Variants in ADAMTSL1 observed in about 807,000 individuals in gnomAD.
ADAMTSL1 encodes ADAMTS-like protein 1.
ADAMTSL1 carries 126 observed loss-of-function variants against 201.8 expected under a neutral mutation model. The observed-to-expected ratio is 0.62, with a 90% CI of 0.54 to 0.72. The LOEUF (loss-of-function observed/expected upper bound fraction) is 0.72. ADAMTSL1 is among the 30% of genes least tolerant of loss of function. ADAMTSL1 has a pLI of 0.00. For synonymous variants in ADAMTSL1, 1,121 were observed against 903.4 expected, an observed-to-expected ratio of 1.24 and a Z score of -4.32; for missense variants, 2,679 against 2,277.8, an observed-to-expected ratio of 1.18 and a Z score of -3.59.
At chr9:18,401,799 C>T (rs993283245) in intron 2 of ADAMTSL1, among the ~76,000 whole-genome samples, 4 of 152,142 alleles carry the variant, frequency 2.6e-5, no homozygotes, top group African/African-American at 9.7e-5. Context: ...GGAGAGGAAG[C>T]TGTTCGCGTG....
At chr9:18,545,195 C>A (rs1215699300) in intron 3 of ADAMTSL1, among the ~76,000 whole-genome samples, 1 of 152,182 alleles carries the variant, frequency 6.6e-6, no homozygotes, top group Non-Finnish European at 1.5e-5. Context: ...TTGCCCCAAA[C>A]TCATTCAATT....
In ADAMTSL1 at chr9:18,324,833, T is replaced by G. The variant is rs371005153; in HGVS notation, c.207+160852T>G. On this transcript the variant is annotated intron_variant, in intron 2 of 29. Coordinates refer to the ADAMTSL1 transcript ENST00000680146. ...TCACCAAAAGACACCATTATGAAAATATAAAAGTAAGCCACATACTAAGGG... is the reference window on the plus strand; with the variant it reads ...TCACCAAAAGACACCATTATGAAAAGATAAAAGTAAGCCACATACTAAGGG... Among the ~76,000 whole-genome samples the G allele has an allele frequency of 5.3e-5, 8 of 149,798 alleles. No individual in the cohort carries two copies. In the East Asian group the frequency reaches 1.4e-3, roughly 26 times the overall value.
chr9:17,976,100 A>C (rs1023493368), intron 1 of ADAMTSL1, among the ~76,000 whole-genome samples: 1 of 152,040 alleles, frequency 6.6e-6, no homozygotes, highest in Non-Finnish European at 1.5e-5. Context: ...TTTTTATGTG[A>C]GTACCATACT....
Position 18,721,426 on chromosome 9 carries a change from G to C in ADAMTSL1, c.1877-110G>C, listed in dbSNP as rs1833362019. On this transcript the variant is annotated intron_variant, in intron 14 of 28. Transcript: ENST00000380548. Reference sequence around the variant, plus strand: ...AACTGCCATCTCTGACATACAGCGAGAGTCCTACAGAACACAGGGACCTCC... The same window carrying C: ...AACTGCCATCTCTGACATACAGCGACAGTCCTACAGAACACAGGGACCTCC... 4.0e-5 allele frequency: 58 copies of C among 1,437,732 alleles called. 1 individual carries two copies. The South Asian group carries it at 7.3e-4, about 18-fold the overall frequency. The allele number at this position is 1,437,732 out of a possible 1,614,324, so 89.1% of individuals were successfully genotyped here.
At chr9:18,627,870 T>C (rs972821461) in intron 5 of ADAMTSL1, among the ~76,000 whole-genome samples, 5 of 152,218 alleles carry the variant, frequency 3.3e-5, no homozygotes, top group African/African-American at 1.2e-4. Context: ...ATTAGTCTAC[T>C]TACCACAGTG....
intron 2 of ADAMTSL1, among the ~76,000 whole-genome samples, chr9:18,310,385 A>AAC (rs1834092100): frequency 6.8e-6 from 1 of 146,258 alleles, no homozygotes; most frequent in African/African-American, 2.5e-5. Flanking sequence ...AAAAAAAAAA[A>AAC]AAAAAAAAAA....
intron 2 of ADAMTSL1, among the ~76,000 whole-genome samples, chr9:18,467,080 C>T (rs566156030): frequency 3.9e-5 from 6 of 152,184 alleles, no homozygotes; most frequent in East Asian, 1.9e-4. Context: ...ATGGCAGTTA[C>T]GTAAAGGGTG....
At position 18,770,738 on chromosome 9, in the gene ADAMTSL1, A is replaced by G. The variant is rs1460668097; in HGVS notation, c.2354A>G (p.Lys785Arg). ...SKPACQQACK[K>R]DDCPSEWLLS... ...CCTGCCTGCCAGCAAGCATGCAAGA[A>G]AGATGACTGTCCCAGCGAGTGGCTT... The change falls in exon 17 of 29, where the codon AAA becomes AGA. Residue 785 changes from lysine (K) to arginine (R), a missense_variant. Lys to Arg is a conservative substitution (Grantham distance 26). Coordinates refer to ENST00000380548, the MANE Select transcript of ADAMTSL1 (RefSeq NM_001040272.6). 6.2e-7 allele frequency: 1 copy of G among 1,613,970 alleles called. No homozygotes were observed. The highest frequency in any genetic ancestry group is 1.1e-5 in the South Asian group (1 of 91,044).
intron 1 of ADAMTSL1, among the ~76,000 whole-genome samples, chr9:18,067,100 C>T (rs1269210294): frequency 1.3e-5 from 2 of 151,980 alleles, no homozygotes; most frequent in African/African-American, 4.8e-5. Flanking sequence ...AACTAACCTG[C>T]ACATTGTGCA....
chr9:18,524,904 C>T (rs188723791), intron 2 of ADAMTSL1, among the ~76,000 whole-genome samples: 90,924 of 151,912 alleles, frequency 0.6, 27,458 homozygotes, highest in East Asian at 0.78. Context: ...AAAATTCTCT[C>T]TTTTTGTTGT....
intron 4 of ADAMTSL1, among the ~76,000 whole-genome samples, chr9:18,605,520 T>A (rs570630647): frequency 2.2e-4 from 34 of 152,318 alleles, no homozygotes; most frequent in Admixed American, 5.2e-4. Flanking sequence ...AGCATGTTTG[T>A]ACTCAGCAAT....
chr9:18,182,785 T>C (rs930054840), intron 2 of ADAMTSL1, among the ~76,000 whole-genome samples: 2 of 152,202 alleles, frequency 1.3e-5, no homozygotes, highest in African/African-American at 4.8e-5. Flanking sequence ...CAAGGTTACA[T>C]GCTTTGTAGG....
chr9:18,115,267 A>G (rs78344345), intron 1 of ADAMTSL1, among the ~76,000 whole-genome samples: 2,194 of 152,246 alleles, frequency 0.014, 43 homozygotes, highest in African/African-American at 0.05. Context: ...GTGATGAAAA[A>G]TAACACTAAA....
chr9:18,058,308 G>C (rs757737199), intron 1 of ADAMTSL1, among the ~76,000 whole-genome samples: 1 of 152,114 alleles, frequency 6.6e-6, no homozygotes, highest in Non-Finnish European at 1.5e-5. Flanking sequence ...AAATCTATCT[G>C]CTGGGTACCT....
intron 1 of ADAMTSL1, among the ~76,000 whole-genome samples, chr9:18,158,301 T>A (rs563397924): frequency 1.3e-5 from 2 of 152,182 alleles, no homozygotes; most frequent in African/African-American, 4.8e-5. Context: ...CCTCCTACGT[T>A]GTAATGAGGA....
intron 5 of ADAMTSL1, among the ~76,000 whole-genome samples, chr9:18,634,370 C>T (rs74883733): frequency 5.3e-5 from 8 of 151,606 alleles, no homozygotes; most frequent in Non-Finnish European, 1.2e-4. Flanking sequence ...TCAAGACAAG[C>T]GTGGGCAACA....
chr9:18,697,827 A>G (rs1369090589), intron 13 of ADAMTSL1, among the ~76,000 whole-genome samples: 2 of 152,208 alleles, frequency 1.3e-5, no homozygotes, highest in Non-Finnish European at 2.9e-5. Context: ...CGATAGGGTT[A>G]CTGAAGGGAG....
chr9:18,284,830 GCTAT>G (rs1265793041), intron 2 of ADAMTSL1, among the ~76,000 whole-genome samples: 26 of 152,156 alleles, frequency 1.7e-4, no homozygotes, highest in Admixed American at 1.1e-3. Flanking sequence ...ATTTTTCTCA[GCTAT>G]CTGTTATTAA....
chr9:18,531,711 C>A (rs759529183), intron 2 of ADAMTSL1, among the ~76,000 whole-genome samples: 1 of 152,148 alleles, frequency 6.6e-6, no homozygotes, highest in South Asian at 2.1e-4. Context: ...TTCTTAATAA[C>A]AAAGACCAAG....
Sources: gnomAD v4.1 joint callset for allele counts (sites outside exome capture counted in the v4.1 genomes callset) on GRCh38, gnomAD v4.1.1 for gene constraint, MANE v1.5 for transcripts, NCBI Gene and HGNC (gene_info 2026-07-23, HGNC 2026-07-21) for gene names.